The following PKHD1 variants were observed in gnomAD, a reference collection of about 807,000 sequenced individuals.
PKHD1 encodes the protein fibrocystin.
Under a neutral mutation model 412.0 loss-of-function variants are expected in PKHD1, and 291 were observed. The ratio of observed to expected loss-of-function variants is 0.71; its 90% CI spans 0.64 to 0.78. PKHD1 has a LOEUF of 0.78. PKHD1 is among the 30% of genes least tolerant of loss of function. The pLI is 0.00. For synonymous variants in PKHD1, 1,777 were observed against 1,821.5 expected (o/e 0.98, Z 0.62); for missense variants, 4,825 against 4,950.7 (o/e 0.97, Z 0.76).
At chr6:51,942,356 G>A (rs954984597) in intron 36 of PKHD1, among the ~76,000 whole-genome samples, 7 of 151,596 alleles carry the variant, frequency 4.6e-5, no homozygotes, top group African/African-American at 7.3e-5. Context: ...TCAAGTCTGC[G>A]TGCAGCAGCC....
chr6:51,968,464 T>A (rs1335614328), intron 35 of PKHD1, among the ~76,000 whole-genome samples: 1 of 152,186 alleles, frequency 6.6e-6, no homozygotes, highest in Non-Finnish European at 1.5e-5. Flanking sequence ...CTAGGCATAT[T>A]TCTGGATCTA....
At chr6:51,908,803 C>A (rs1782526711) in intron 40 of PKHD1, among the ~76,000 whole-genome samples, 1 of 152,058 alleles carries the variant, frequency 6.6e-6, no homozygotes, top group African/African-American at 2.4e-5. Flanking sequence ...CTCATTTCCC[C>A]AGGCAAAAGA....
intron 60 of PKHD1, among the ~76,000 whole-genome samples, chr6:51,685,743 C>T (rs1296119234): frequency 2.0e-5 from 3 of 152,222 alleles, no homozygotes; most frequent in South Asian, 2.1e-4. Context: ...AGGGTTGCTA[C>T]CTTCCTGTGG....
chr6:51,901,362 C>T (rs1342352976), intron 43 of PKHD1, among the ~76,000 whole-genome samples: 1 of 152,152 alleles, frequency 6.6e-6, no homozygotes, highest in Non-Finnish European at 1.5e-5. Flanking sequence ...GAGTTCATGT[C>T]CTTTGTAGGG....
At chr6:51,791,845 G>A (rs2151266984) in intron 52 of PKHD1, among the ~76,000 whole-genome samples, 1 of 152,284 alleles carries the variant, frequency 6.6e-6, no homozygotes, top group African/African-American at 2.4e-5. Context: ...TATCTCATCT[G>A]TGGAATGGGA....
intron 20 of PKHD1, 75 bp from the exon 21 acceptor site, chr6:52,053,326 C>T (rs2128204135): frequency 1.4e-6 from 2 of 1,463,968 alleles, no homozygotes; most frequent in Non-Finnish European, 1.9e-6. Context: ...CCCTTGTTCC[C>T]AACCTGGGGG....
At chr6:52,080,730 C>T (rs1426494387) in intron 4 of PKHD1, among the ~76,000 whole-genome samples, 1 of 151,932 alleles carries the variant, frequency 6.6e-6, no homozygotes, top group Non-Finnish European at 1.5e-5. Context: ...TTAAGATATG[C>T]CATGATTATA....
chr6:51,942,877 GC>G (rs1370134334), intron 36 of PKHD1, among the ~76,000 whole-genome samples: 4 of 151,302 alleles, frequency 2.6e-5, no homozygotes, highest in Non-Finnish European at 5.9e-5. Flanking sequence ...GATTATTCAG[GC>G]CCCCTCCCCT....
At chr6:51,798,342 T>A (rs1033409533) in intron 52 of PKHD1, among the ~76,000 whole-genome samples, 2 of 151,836 alleles carry the variant, frequency 1.3e-5, no homozygotes, top group African/African-American at 4.8e-5. Context: ...CACACCACTG[T>A]ACTCCAGCCT....
chr6:51,818,905 C>T (rs756157081), intron 52 of PKHD1, among the ~76,000 whole-genome samples: 4 of 152,000 alleles, frequency 2.6e-5, no homozygotes, highest in African/African-American at 9.7e-5. Context: ...GTCCCTGACA[C>T]CATGGAACAG....
At chr6:52,074,698 A>G (rs1421857398) in intron 6 of PKHD1, among the ~76,000 whole-genome samples, 2 of 152,312 alleles carry the variant, frequency 1.3e-5, no homozygotes, top group East Asian at 1.9e-4. Flanking sequence ...AAGGACTGCT[A>G]ACCACGTATA....
At chr6:51,953,573 A>G (rs1218531081) in intron 36 of PKHD1, among the ~76,000 whole-genome samples, 1 of 151,714 alleles carries the variant, frequency 6.6e-6, no homozygotes, top group Non-Finnish European at 1.5e-5. Context: ...AGAAGCAACC[A>G]AGTATACAAT....
intron 10 of PKHD1, 46 bp downstream of exon 10, chr6:52,070,360 T>C: frequency 8.7e-7 from 1 of 1,153,082 alleles, no homozygotes; most frequent in Non-Finnish European, 1.3e-6. Flanking sequence ...AGATAGGTAA[T>C]ATAAAATGAA....
rs1473182306 is a variant in PKHD1 at position 51,836,455 on chromosome 6, G to A, written c.8122C>T (p.Gln2708Ter). Reference protein sequence around the residue: ...QLTYLVSGEGQVQVILRVKEG... With the variant: ...QLTYLVSGEG Reference sequence around the variant, plus strand: ...TTCACCCGGAGAATGACTTGAACTTGGCCTTCACCTGAAACTAAATACCAA... The same window carrying A: ...TTCACCCGGAGAATGACTTGAACTTAGCCTTCACCTGAAACTAAATACCAA... Residue 2708 changes from glutamine to a stop codon, truncating the protein, a stop_gained, in exon 51 of 67, where the codon CAA (glutamine) becomes TAA (stop). Coordinates refer to ENST00000371117, the MANE Select transcript of PKHD1 (RefSeq NM_138694.4). LOFTEE classifies it high-confidence loss of function. The A allele has an allele frequency of 6.2e-7, 1 of 1,612,494 alleles. No homozygotes were observed. The highest frequency in any genetic ancestry group is 8.5e-7 in the Non-Finnish European group (1 of 1,178,676).
In PKHD1 at chr6:51,771,247, T is replaced by C. The variant is rs577449177; in HGVS notation, c.8642+1455A>G. Among the ~76,000 whole-genome samples the C allele has an allele frequency of 6.6e-5, 10 of 152,234 alleles. No homozygotes were observed. The East Asian group carries it at 1.7e-3, about 26-fold the overall frequency. On this transcript the variant is annotated intron_variant, in intron 55 of 66. Coordinates refer to ENST00000371117, the MANE Select transcript of PKHD1 (RefSeq NM_138694.4). ...ACATGCACATAACCTACTGATTATG[T>C]ATTTTTTGTATAAAGAGAACTCCAA...
chr6:51,658,820 G>T, intron 61 of PKHD1, 132 bp downstream of exon 61: 2 of 681,208 alleles, frequency 2.9e-6, no homozygotes, highest in East Asian at 5.2e-5. Context: ...ATGACTCTTT[G>T]AATTTTTATT....
At chr6:51,942,475 C>G (rs1788745514) in intron 36 of PKHD1, among the ~76,000 whole-genome samples, 1 of 151,692 alleles carries the variant, frequency 6.6e-6, no homozygotes, top group South Asian at 2.1e-4. Flanking sequence ...ACACCTGACA[C>G]ATATACTTTC....
chr6:51,812,719 C>T (rs921353440), intron 52 of PKHD1, among the ~76,000 whole-genome samples: 6 of 152,274 alleles, frequency 3.9e-5, no homozygotes, highest in Non-Finnish European at 7.4e-5. Flanking sequence ...TTTAGAGAAT[C>T]GCATTCCATC....
intron 60 of PKHD1, among the ~76,000 whole-genome samples, chr6:51,734,627 T>C (rs1326030463): frequency 6.6e-6 from 1 of 151,956 alleles, no homozygotes; most frequent in Non-Finnish European, 1.5e-5. Context: ...ACAAAGGTCC[T>C]CCATATTCCT....
Sources: allele counts gnomAD v4.1 joint callset (sites outside exome capture counted in the v4.1 genomes callset), GRCh38; gene constraint gnomAD v4.1.1; transcripts MANE v1.5; gene names NCBI Gene and HGNC (gene_info 2026-07-23, HGNC 2026-07-21).